PCDH9: variants seen among roughly 807,000 people sequenced by gnomAD.
The protein encoded by PCDH9 is protocadherin 9.
Under a neutral mutation model 70.6 loss-of-function variants are expected in PCDH9, and 24 were observed. The observed-to-expected ratio is 0.34, with a 90% confidence interval of 0.25 to 0.48. PCDH9 has a LOEUF of 0.48. Among genes scored for constraint, PCDH9 ranks in the 20% least tolerant of loss-of-function variants. PCDH9 has a pLI of 0.99. For missense variants in PCDH9, 1,281 were observed against 1,503.6 expected (o/e 0.85, Z 2.45); for synonymous variants, 562 against 558.5 (o/e 1.01, Z -0.09).
intron 4 of PCDH9, among the ~76,000 whole-genome samples, chr13:66,445,131 TA>T (rs944130954): frequency 6.8e-6 from 1 of 147,294 alleles, no homozygotes; most frequent in Non-Finnish European, 1.5e-5. Context: ...TTGTATTATA[TA>T]AAATATATTA....
At chr13:66,486,665 G>T (rs187465998) in intron 4 of PCDH9, among the ~76,000 whole-genome samples, 98 of 149,950 alleles carry the variant, frequency 6.5e-4, no homozygotes, top group Non-Finnish European at 1.2e-3. Context: ...AAGTATTTGA[G>T]TTTCACTATT....
At chr13:67,071,338 T>C (rs1456724073) in intron 2 of PCDH9, among the ~76,000 whole-genome samples, 3 of 152,154 alleles carry the variant, frequency 2.0e-5, no homozygotes, top group Non-Finnish European at 2.9e-5. Context: ...CCAATTGATA[T>C]CACTATGTAA....
At chr13:66,773,008 G>A (rs2139277997) in intron 3 of PCDH9, among the ~76,000 whole-genome samples, 1 of 152,126 alleles carries the variant, frequency 6.6e-6, no homozygotes, top group Middle Eastern at 3.4e-3. Context: ...TTGATTAGAC[G>A]TGAACCTGAA....
intron 2 of PCDH9, among the ~76,000 whole-genome samples, chr13:67,036,731 A>T (rs1283477871): frequency 6.6e-6 from 1 of 152,172 alleles, no homozygotes; most frequent in African/African-American, 2.4e-5. Context: ...TCTTCTGTGC[A>T]GACAGCAGGG....
intron 3 of PCDH9, among the ~76,000 whole-genome samples, chr13:66,805,974 G>A (rs1025458923): frequency 7.2e-5 from 11 of 152,018 alleles, no homozygotes; most frequent in Admixed American, 7.2e-4. Flanking sequence ...TACTTCTTCT[G>A]TGGGTTGCCA....
intron 3 of PCDH9, among the ~76,000 whole-genome samples, chr13:66,836,247 A>G (rs1418446472): frequency 1.3e-5 from 2 of 152,174 alleles, no homozygotes; most frequent in Non-Finnish European, 2.9e-5. Flanking sequence ...TCGATAATCA[A>G]AATCTGACAT....
chr13:66,865,896 T>C (rs2081566236), intron 3 of PCDH9, among the ~76,000 whole-genome samples: 1 of 152,362 alleles, frequency 6.6e-6, no homozygotes, highest in South Asian at 2.1e-4. Flanking sequence ...ATGAGAAATG[T>C]ATATGGCCTG....
intron 3 of PCDH9, among the ~76,000 whole-genome samples, chr13:66,660,079 G>C (rs1396000836): frequency 6.6e-6 from 1 of 152,182 alleles, no homozygotes; most frequent in African/African-American, 2.4e-5. Flanking sequence ...GGAGTTGAAA[G>C]TGATAACACA....
At chr13:66,816,344 T>C (rs966402122) in intron 3 of PCDH9, among the ~76,000 whole-genome samples, 4 of 152,152 alleles carry the variant, frequency 2.6e-5, no homozygotes, top group Non-Finnish European at 5.9e-5. Flanking sequence ...AAGCTAAACC[T>C]GTCCTAGATC....
chr13:66,950,408 G>A (rs1024517814), intron 2 of PCDH9, among the ~76,000 whole-genome samples: 3 of 151,896 alleles, frequency 2.0e-5, no homozygotes, highest in Non-Finnish European at 2.9e-5. Context: ...TGCCATGCAG[G>A]AATCTTTTAA....
At chr13:66,532,562 G>A (rs950085217) in intron 4 of PCDH9, among the ~76,000 whole-genome samples, 4 of 152,090 alleles carry the variant, frequency 2.6e-5, no homozygotes, top group Admixed American at 6.6e-5. Flanking sequence ...GCTTTGTTTT[G>A]TGATGTAGTC....
Position 67,107,768 on chromosome 13 carries a change from G to A in PCDH9, c.3036+117637C>T, listed in dbSNP as rs374481935. 7.9e-5 allele frequency among the ~76,000 whole-genome samples: 12 copies of A among 152,268 alleles called. 1 individual carries two copies. In the South Asian group the frequency reaches 2.5e-3, roughly 32 times the overall value. ...ACTGAAACAGCTGTAATACAAACAG[G>A]GCTGAAATGCCCCCTTGCTCACCAT... On this transcript the variant is annotated intron_variant, in intron 2 of 4. Transcript: ENST00000377865.
At chr13:67,022,897 C>G (rs962371696) in intron 2 of PCDH9, among the ~76,000 whole-genome samples, 2 of 152,166 alleles carry the variant, frequency 1.3e-5, no homozygotes, top group Non-Finnish European at 2.9e-5. Flanking sequence ...AAGGTTAAAC[C>G]TATTGTTGAA....
At chr13:66,959,738 G>A (rs1260719177) in intron 2 of PCDH9, among the ~76,000 whole-genome samples, 3 of 139,826 alleles carry the variant, frequency 2.1e-5, no homozygotes, top group African/African-American at 8.3e-5. Context: ...GCAACAGAGT[G>A]AGACCCCGTC....
intron 2 of PCDH9, among the ~76,000 whole-genome samples, chr13:67,141,890 T>C (rs1299731359): frequency 6.6e-6 from 1 of 152,176 alleles, no homozygotes; most frequent in Non-Finnish European, 1.5e-5. Flanking sequence ...ATGGCATCCA[T>C]TCTGCATCAA....
At chr13:66,852,682 T>G (rs747217964) in intron 3 of PCDH9, among the ~76,000 whole-genome samples, 2 of 152,212 alleles carry the variant, frequency 1.3e-5, no homozygotes, top group Non-Finnish European at 2.9e-5. Context: ...TGATTGCATT[T>G]ACTTTGGCAT....
intron 2 of PCDH9, chr13:67,211,537 T>G (rs2089467725): frequency 6.6e-6 from 1 of 152,100 alleles, no homozygotes; most frequent in South Asian, 2.1e-4. Flanking sequence ...TTTATCCATA[T>G]GTAAGTTAGT....
intron 4 of PCDH9, among the ~76,000 whole-genome samples, chr13:66,531,600 C>T (rs1056681880): frequency 5.9e-5 from 9 of 152,040 alleles, no homozygotes; most frequent in Admixed American, 3.9e-4. Flanking sequence ...TAAATTTTAA[C>T]GACTCTTCTA....
At chr13:67,071,272 CTATT>C (rs1251779780) in intron 2 of PCDH9, among the ~76,000 whole-genome samples, 1 of 152,086 alleles carries the variant, frequency 6.6e-6, no homozygotes, top group Non-Finnish European at 1.5e-5. Flanking sequence ...ATGTTCAACA[CTATT>C]TAAATCACAA....
Sources: gnomAD v4.1 joint callset for allele counts (sites outside exome capture counted in the v4.1 genomes callset) on GRCh38, gnomAD v4.1.1 for gene constraint, MANE v1.5 for transcripts, NCBI Gene and HGNC (gene_info 2026-07-23, HGNC 2026-07-21) for gene names.